EEF2K: variants seen among roughly 807,000 people sequenced by gnomAD.
EEF2K encodes the protein alternative protein EEF2K.
Under a neutral mutation model 93.8 loss-of-function variants are expected in EEF2K, and 70 were observed. The observed-to-expected ratio is 0.75, with a 90% CI of 0.62 to 0.91. The LOEUF (loss-of-function observed/expected upper bound fraction) is 0.91, where lower values mean the gene tolerates loss of function less well. EEF2K is among the 40% of genes least tolerant of loss of function. EEF2K has a pLI of 0.00. For missense variants in EEF2K, 935 were observed against 972.9 expected (o/e 0.96, Z 0.52); for synonymous variants, 376 against 380.8 (o/e 0.99, Z 0.15).
At chr16:22,219,204 T>TG (rs1753601307) in intron 1 of EEF2K, among the ~76,000 whole-genome samples, 1 of 152,146 alleles carries the variant, frequency 6.6e-6, no homozygotes, top group Non-Finnish European at 1.5e-5. Flanking sequence ...CTTGCTTGTT[T>TG]GGGGAAATCC....
At chr16:22,225,269 A>G (rs2047051414) in intron 1 of EEF2K, among the ~76,000 whole-genome samples, 1 of 152,126 alleles carries the variant, frequency 6.6e-6, no homozygotes. Flanking sequence ...CGCTAGATGA[A>G]CGCAGCTCTT....
chr16:22,246,191 T>G (rs1267383414), intron 3 of EEF2K, among the ~76,000 whole-genome samples: 1 of 152,158 alleles, frequency 6.6e-6, no homozygotes, highest in African/African-American at 2.4e-5. Flanking sequence ...AAACACTTAC[T>G]CATATTTACT....
chr16:22,226,908 A>T (rs1012476738), intron 2 of EEF2K, among the ~76,000 whole-genome samples: 6 of 152,214 alleles, frequency 3.9e-5, no homozygotes, highest in African/African-American at 1.4e-4. Context: ...GTCTCTCAAA[A>T]AATAAAATAG....
At chr16:22,219,428 C>T (rs868297089) in intron 1 of EEF2K, among the ~76,000 whole-genome samples, 3 of 152,054 alleles carry the variant, frequency 2.0e-5, no homozygotes, top group Admixed American at 6.6e-5. Context: ...GCCAGGAGTT[C>T]GAGACTAGCC....
chr16:22,207,214 C>T (rs530156624), intron 1 of EEF2K, among the ~76,000 whole-genome samples: 26 of 152,174 alleles, frequency 1.7e-4, no homozygotes, highest in African/African-American at 6.0e-4. Flanking sequence ...GGTGGCCGCG[C>T]GGGGGTGGGG....
rs773153979 is a variant in EEF2K, at chr16:22,256,735, C to T, written c.619-13C>T. 3.1e-6 allele frequency: 5 copies of T among 1,612,860 alleles called. No homozygotes were observed. Among genetic ancestry groups the T allele is most frequent in the Non-Finnish European group, 4.2e-6 (5 of 1,179,512 alleles). ...TGGGCCCTCCCGCCTGAGCCCACTC[C>T]CCATCCCACCAGGTGGACATCATGC... On this transcript the variant is annotated splice_polypyrimidine_tract_variant and intron_variant, in intron 6 of 17. Coordinates refer to ENST00000263026, the MANE Select transcript of EEF2K (RefSeq NM_013302.5).
At chr16:22,237,928 AGTAAGTG>A (rs1311749120) in intron 2 of EEF2K, among the ~76,000 whole-genome samples, 2 of 152,164 alleles carry the variant, frequency 1.3e-5, no homozygotes, top group African/African-American at 4.8e-5. Context: ...TTCCGCCACC[AGTAAGTG>A]GTATCATAGT....
intron 2 of EEF2K, among the ~76,000 whole-genome samples, chr16:22,228,499 C>T (rs2047085486): frequency 6.6e-6 from 1 of 152,120 alleles, no homozygotes; most frequent in Non-Finnish European, 1.5e-5. Context: ...TACAATAAAA[C>T]TCCAGCCAAG....
chr16:22,208,641 T>C (rs2046886736), intron 1 of EEF2K, among the ~76,000 whole-genome samples: 5 of 152,192 alleles, frequency 3.3e-5, no homozygotes, highest in Admixed American at 1.3e-4. Context: ...CTCACACCTG[T>C]AATCCCAGCC....
intron 16 of EEF2K, 114 bp downstream of exon 16, chr16:22,273,864 C>T: frequency 6.8e-7 from 1 of 1,469,066 alleles, no homozygotes. Context: ...ATGACCAGTC[C>T]AGCAACCATG....
intron 2 of EEF2K, among the ~76,000 whole-genome samples, chr16:22,238,481 C>T (rs1294716370): frequency 6.6e-6 from 1 of 151,782 alleles, no homozygotes; most frequent in Non-Finnish European, 1.5e-5. Flanking sequence ...TCTCTACACA[C>T]ACACAATTTT....
intron 6 of EEF2K, among the ~76,000 whole-genome samples, chr16:22,251,716 T>A (rs1398948919): frequency 6.6e-6 from 1 of 151,414 alleles, no homozygotes; most frequent in East Asian, 2.0e-4. Context: ...TGAGCCACCA[T>A]ACCTGGCCTC....
At chr16:22,215,609 C>G (rs183527152) in intron 1 of EEF2K, among the ~76,000 whole-genome samples, 1 of 152,146 alleles carries the variant, frequency 6.6e-6, no homozygotes. Context: ...CTTAATCACT[C>G]CTAATGCTGC....
At chr16:22,256,996 G>C in intron 7 of EEF2K, 99 bp downstream of exon 7, 1 of 1,542,840 alleles carries the variant, frequency 6.5e-7, no homozygotes, top group Non-Finnish European at 8.7e-7. Context: ...TGTGGGCTTG[G>C]AGTCTCACCC....
intron 2 of EEF2K, among the ~76,000 whole-genome samples, chr16:22,234,818 C>G (rs1390533243): frequency 6.7e-6 from 1 of 149,546 alleles, no homozygotes; most frequent in African/African-American, 2.4e-5. Context: ...TAAATAGAAT[C>G]ATACAACATG....
At chr16:22,256,191 A>G (rs994772704) in intron 6 of EEF2K, among the ~76,000 whole-genome samples, 1 of 151,980 alleles carries the variant, frequency 6.6e-6, no homozygotes, top group Admixed American at 6.6e-5. Flanking sequence ...TCTGCCTCCC[A>G]GGTTCAAGTG....
chr16:22,217,825 G>GC (rs1567259196), intron 1 of EEF2K, among the ~76,000 whole-genome samples: 1 of 152,148 alleles, frequency 6.6e-6, no homozygotes, highest in Non-Finnish European at 1.5e-5. Flanking sequence ...TTCCCCTACT[G>GC]CCCCCCAAAA....
intron 11 of EEF2K, 102 bp downstream of exon 11, chr16:22,260,631 G>GC: frequency 1.4e-6 from 2 of 1,441,734 alleles, no homozygotes; most frequent in Non-Finnish European, 1.9e-6. Context: ...GGGCAGCCTA[G>GC]CCCAGGCACT....
chr16:22,279,675 G>A (rs768467252), intron 16 of EEF2K, among the ~76,000 whole-genome samples: 38 of 151,820 alleles, frequency 2.5e-4, no homozygotes, highest in East Asian at 7.7e-4. Context: ...GTCTCTCTAC[G>A]TTGCCTGGGC....
Sources: gnomAD v4.1 joint callset for allele counts (sites outside exome capture counted in the v4.1 genomes callset) on GRCh38, gnomAD v4.1.1 for gene constraint, MANE v1.5 for transcripts, NCBI Gene and HGNC (gene_info 2026-07-23, HGNC 2026-07-21) for gene names.